Variants in GRID1 observed in about 807,000 individuals in gnomAD.
GRID1 encodes the protein glutamate ionotropic receptor delta type subunit 1, also known as glutamate receptor ionotropic, delta-1.
GRID1 carries 28 observed loss-of-function variants against 98.0 expected under a neutral mutation model. The observed-to-expected ratio is 0.29, with a 90% CI of 0.21 to 0.39. The LOEUF (loss-of-function observed/expected upper bound fraction) is 0.39. Ranked by LOEUF, GRID1 falls within the 10% of genes least tolerant of loss-of-function variation. The pLI is 1.00. For missense variants in GRID1, 1,111 were observed against 1,340.5 expected (o/e 0.83, Z 2.67); for synonymous variants, 553 against 538.5 (o/e 1.03, Z -0.37).
intron 4 of GRID1, among the ~76,000 whole-genome samples, chr10:86,033,969 T>A (rs1167948803): frequency 6.6e-6 from 1 of 152,240 alleles, no homozygotes; most frequent in Non-Finnish European, 1.5e-5. Flanking sequence ...GAGGATTCTG[T>A]GTCTACACTT....
At chr10:86,245,327 C>G (rs1234874930) in intron 2 of GRID1, among the ~76,000 whole-genome samples, 2 of 152,238 alleles carry the variant, frequency 1.3e-5, no homozygotes, top group East Asian at 3.9e-4. Context: ...CATGCTGGGG[C>G]TCATGTCCCA....
In GRID1 at chr10:85,656,599, T is replaced by G. The variant is rs536975161; in HGVS notation, c.1998-9202A>C. On this transcript the variant is annotated intron_variant, in intron 12 of 15. Coordinates refer to ENST00000327946, the MANE Select transcript of GRID1 (RefSeq NM_017551.3). ...TCTTAAATCACTAACCCCTAAACCATGCCTGCTCTTCCTCTAGTTCTCCCA... is the reference window on the plus strand; with the variant it reads ...TCTTAAATCACTAACCCCTAAACCAGGCCTGCTCTTCCTCTAGTTCTCCCA... 1.1e-4 allele frequency among the ~76,000 whole-genome samples: 16 copies of G among 152,296 alleles called. No individual in the cohort carries two copies. In the South Asian group the frequency reaches 3.3e-3, roughly 32 times the overall value.
chr10:86,261,032 C>T (rs1284572186), intron 2 of GRID1, among the ~76,000 whole-genome samples: 2 of 152,210 alleles, frequency 1.3e-5, no homozygotes, highest in Non-Finnish European at 2.9e-5. Context: ...CTGCAAAGCC[C>T]GGAGAAGCCT....
chr10:85,909,840 G>A (rs765935536), intron 5 of GRID1, among the ~76,000 whole-genome samples: 12 of 152,074 alleles, frequency 7.9e-5, no homozygotes, highest in Non-Finnish European at 1.5e-4. Context: ...TTGTGGTTAT[G>A]GTTTCCTGGG....
intron 4 of GRID1, among the ~76,000 whole-genome samples, chr10:85,992,248 G>A (rs1438556094): frequency 1.3e-5 from 2 of 152,146 alleles, no homozygotes; most frequent in Non-Finnish European, 2.9e-5. Context: ...GATTTGTGAG[G>A]AGCAATACCA....
At chr10:86,224,901 T>C (rs115825824) in intron 2 of GRID1, among the ~76,000 whole-genome samples, 10 of 152,328 alleles carry the variant, frequency 6.6e-5, no homozygotes, top group African/African-American at 2.2e-4. Flanking sequence ...ATTATCACTC[T>C]GAATCATCAC....
At chr10:86,225,591 C>CCCACCT (rs1487592220) in intron 2 of GRID1, among the ~76,000 whole-genome samples, 1 of 152,136 alleles carries the variant, frequency 6.6e-6, no homozygotes, top group African/African-American at 2.4e-5. Context: ...CAGCTCCAGC[C>CCCACCT]CCACCTAGAC....
intron 4 of GRID1, among the ~76,000 whole-genome samples, chr10:86,005,213 A>G (rs1285805449): frequency 6.6e-6 from 1 of 152,110 alleles, no homozygotes; most frequent in Non-Finnish European, 1.5e-5. Context: ...AGAAGACTCT[A>G]TGATTGACCC....
chr10:85,656,959 CA>C (rs1410251973), intron 12 of GRID1, among the ~76,000 whole-genome samples: 1 of 152,146 alleles, frequency 6.6e-6, no homozygotes, highest in Non-Finnish European at 1.5e-5. Flanking sequence ...ACTCCAAAGT[CA>C]AAGTGTGCAT....
At chr10:86,172,450 G>T (rs1448644058) in intron 3 of GRID1, among the ~76,000 whole-genome samples, 1 of 152,186 alleles carries the variant, frequency 6.6e-6, no homozygotes, top group Non-Finnish European at 1.5e-5. Flanking sequence ...CCCCAGGTCA[G>T]AGGATTACTG....
chr10:86,299,858 ACTGAAATTCGGCACTG>A (rs1323696531), intron 2 of GRID1, among the ~76,000 whole-genome samples: 1 of 152,162 alleles, frequency 6.6e-6, no homozygotes, highest in Non-Finnish European at 1.5e-5. Context: ...TCTTGGGGAC[ACTGAAATTCGGCACTG>A]CTGACAATCT....
At chr10:85,988,024 C>A (rs548944877) in intron 4 of GRID1, among the ~76,000 whole-genome samples, 1 of 152,222 alleles carries the variant, frequency 6.6e-6, no homozygotes, top group South Asian at 2.1e-4. Flanking sequence ...AATTCCAGCT[C>A]AAAAACAGAA....
intron 2 of GRID1, among the ~76,000 whole-genome samples, chr10:86,230,530 C>G (rs1420185233): frequency 2.6e-5 from 4 of 152,208 alleles, no homozygotes; most frequent in African/African-American, 9.6e-5. Context: ...ATCATCAGCA[C>G]TAAACCTGGC....
Position 85,619,952 on chromosome 10 carries a change from T to C in GRID1, c.2275A>G (p.Thr759Ala). 3 of 1,613,980 alleles carry C rather than the reference T, an allele frequency of 1.9e-6. No homozygotes were observed. The highest frequency in any genetic ancestry group is 2.5e-6 in the Non-Finnish European group (3 of 1,179,858). ...CTGCTGATGCTGTTGCCGATGACAGTCACCGAGCAGTCGTCATCCGTCAGG... is the reference window on the plus strand; with the variant it reads ...CTGCTGATGCTGTTGCCGATGACAGCCACCGAGCAGTCGTCATCCGTCAGG... ...AALTDDDCSV[T>A]VIGNSISSKG... The change falls in exon 14 of 16, where the codon ACT (threonine) becomes GCT (alanine). Residue 759 changes from threonine (T) to alanine (A), a missense_variant. Coordinates refer to ENST00000327946, the MANE Select transcript of GRID1 (RefSeq NM_017551.3).
At chr10:85,913,397 C>T (rs970772142) in intron 5 of GRID1, among the ~76,000 whole-genome samples, 1 of 152,162 alleles carries the variant, frequency 6.6e-6, no homozygotes, top group Non-Finnish European at 1.5e-5. Context: ...TTCCCATCTG[C>T]AAAATGAGGA....
chr10:85,889,975 C>T (rs939172941), intron 5 of GRID1, among the ~76,000 whole-genome samples: 13 of 152,080 alleles, frequency 8.5e-5, no homozygotes, highest in Non-Finnish European at 1.3e-4. Flanking sequence ...TCATACAATG[C>T]ATAGTGATCA....
chr10:85,906,175 T>C (rs1360999182), intron 5 of GRID1, among the ~76,000 whole-genome samples: 1 of 152,096 alleles, frequency 6.6e-6, no homozygotes, highest in African/African-American at 2.4e-5. Flanking sequence ...TAAGTCCTAA[T>C]GATAGAGGGT....
chr10:86,282,509 T>C (rs891667295), intron 2 of GRID1, among the ~76,000 whole-genome samples: 7 of 152,056 alleles, frequency 4.6e-5, no homozygotes, highest in African/African-American at 9.7e-5. Flanking sequence ...AAGAGTGCAA[T>C]TCCCCAGCAA....
chr10:85,683,913 A>G (rs1360781658), intron 12 of GRID1, among the ~76,000 whole-genome samples: 1 of 152,208 alleles, frequency 6.6e-6, no homozygotes, highest in Non-Finnish European at 1.5e-5. Flanking sequence ...GCTGGGCACA[A>G]AGGAACACTA....
Sources: gnomAD v4.1 joint callset for allele counts (sites outside exome capture counted in the v4.1 genomes callset) on GRCh38, gnomAD v4.1.1 for gene constraint, MANE v1.5 for transcripts, NCBI Gene and HGNC (gene_info 2026-07-23, HGNC 2026-07-21) for gene names.